MAP3K3: variants seen among roughly 807,000 people sequenced by gnomAD.
The protein encoded by MAP3K3 is mitogen-activated protein kinase kinase kinase 3.
In MAP3K3, 12 loss-of-function variants were observed where a neutral mutation model predicts 80.9. The observed-to-expected ratio is 0.15, with a 90% confidence interval of 0.10 to 0.24. The LOEUF is 0.24. MAP3K3 is among the 10% of genes least tolerant of loss of function. The pLI, the probability that MAP3K3 is intolerant of heterozygous loss-of-function variation, is 1.00. For synonymous variants in MAP3K3, 272 were observed against 307.1 expected (o/e 0.89, Z 1.19); for missense variants, 596 against 834.7 (o/e 0.71, Z 3.52).
chr17:63,686,175 T>A (rs182877950), intron 8 of MAP3K3, among the ~76,000 whole-genome samples: 19 of 152,294 alleles, frequency 1.2e-4, no homozygotes, highest in Admixed American at 9.2e-4. Context: ...CTCTGCCTCA[T>A]TATGCCCAAG....
intron 6 of MAP3K3, among the ~76,000 whole-genome samples, chr17:63,669,242 GA>G (rs2035056173): frequency 6.6e-6 from 1 of 152,174 alleles, no homozygotes; most frequent in Non-Finnish European, 1.5e-5. Context: ...TTCCACAGGG[GA>G]CAAGGGGAGA....
In MAP3K3 at chr17:63,652,481, A is replaced by G. The variant is rs530626316; in HGVS notation, c.168-76A>G. ...CCTATGTTGAGAAGAAAGGAAGAAT[A>G]TACTCAGACCATTGCTTTTTAAACC... On this transcript the variant is annotated intron_variant, in intron 3 of 15. Transcript: ENST00000361733. The G allele has an allele frequency of 3.2e-3, 2,923 of 926,542 alleles. 15 individuals are homozygous for G. Among genetic ancestry groups the G allele is most frequent in the Non-Finnish European group, 4.2e-3 (2,417 of 571,948 alleles). 57.4% of individuals were successfully genotyped at this position (926,542 alleles called of 1,614,324 possible). A position where few individuals can be genotyped will look rare whatever the true frequency, so the allele number is the denominator to read the frequency against.
At position 63,692,519 on chromosome 17, in the gene MAP3K3, T is replaced by A; in HGVS notation, c.1652+100T>A. 7.8e-7 allele frequency: 1 copy of A among 1,285,436 alleles called. No homozygotes were observed. Among genetic ancestry groups the A allele is most frequent in the Non-Finnish European group, 1.1e-6 (1 of 945,572 alleles). 79.6% of individuals were successfully genotyped at this position (1,285,436 alleles called of 1,614,324 possible). Reference sequence around the variant, plus strand: ...GACTTTGTGGTGTGGCAGGAGGGAGTGTGCCCAGGGCCCAGGCTGCAGTGT... The same window carrying A: ...GACTTTGTGGTGTGGCAGGAGGGAGAGTGCCCAGGGCCCAGGCTGCAGTGT... On this transcript the variant is annotated intron_variant, in intron 15 of 15. Transcript: ENST00000361733. This position sits in a 1 kb window ranked among gnomAD's most constrained non-coding sequence, Gnocchi z 4.5.
rs2035546491 is a variant in MAP3K3 at position 63,689,820 on chromosome 17, C to T, written c.1063+85C>T. 1 of 1,367,548 alleles carries T rather than the reference C, an allele frequency of 7.3e-7. No homozygotes were observed. Among genetic ancestry groups the T allele is most frequent in the Non-Finnish European group, 9.9e-7 (1 of 1,008,964 alleles). 84.7% of individuals were successfully genotyped at this position (1,367,548 alleles called of 1,614,324 possible). On this transcript the variant is annotated intron_variant, in intron 11 of 15. Transcript: ENST00000361733. This position sits in a 1 kb window ranked among gnomAD's most constrained non-coding sequence, Gnocchi z 4.3. ...GGCAAACAGCTGGGCCCCTGGGACC[C>T]TTAGGCTCAGCAGGTGGTGGCTTTG...
chr17:63,631,365 G>A (rs1052434444), intron 1 of MAP3K3, among the ~76,000 whole-genome samples: 2 of 152,128 alleles, frequency 1.3e-5, no homozygotes, highest in African/African-American at 2.4e-5. Context: ...CATGCTGTTC[G>A]TTTCTTTCCA....
At chr17:63,623,317 G>T (rs1880992220) in intron 1 of MAP3K3, among the ~76,000 whole-genome samples, 1 of 152,340 alleles carries the variant, frequency 6.6e-6, no homozygotes, top group East Asian at 1.9e-4. Context: ...GCTAGGAGGC[G>T]ATTAAACTGG....
rs765053642 is a variant in MAP3K3 at position 63,692,354 on chromosome 17, C to T, written c.1587C>T (p.Gly529=). The T allele has an allele frequency of 5.0e-6, 8 of 1,613,962 alleles. No individual in the cohort carries two copies. In the South Asian group the frequency reaches 7.7e-5, roughly 16 times the overall value. Reference sequence around the variant, plus strand: ...GGACGGGCATGCGCTCCGTCACTGGCACACCCTACTGGATGAGCCCTGAGG... The same window carrying T: ...GGACGGGCATGCGCTCCGTCACTGGTACACCCTACTGGATGAGCCCTGAGG... ...MSGTGMRSVT[G]TPYWMSPEVI... The change falls in exon 15 of 16, where the codon GGC becomes GGT. Residue 529 remains glycine (G), a synonymous_variant. Coordinates refer to ENST00000361733, the MANE Select transcript of MAP3K3 (RefSeq NM_002401.5). The surrounding 1 kb of genome is among the most constrained non-coding windows in gnomAD (Gnocchi z 4.5).
intron 7 of MAP3K3, chr17:63,682,460 G>C (rs992663106): frequency 6.6e-6 from 1 of 152,206 alleles, no homozygotes; most frequent in Non-Finnish European, 1.5e-5. Flanking sequence ...TTCCCTGGGT[G>C]AGGAGTCCAG....
At chr17:63,682,047 A>G (rs1353114447) in intron 7 of MAP3K3, 148 bp downstream of exon 7, 6 of 636,882 alleles carry the variant, frequency 9.4e-6, no homozygotes, top group Middle Eastern at 3.4e-4. Context: ...CCAAATATGG[A>G]TTGTCCCTTT....
At chr17:63,649,891 A>G (rs1193976259) in intron 3 of MAP3K3, among the ~76,000 whole-genome samples, 3 of 152,172 alleles carry the variant, frequency 2.0e-5, no homozygotes, top group Admixed American at 6.5e-5. Flanking sequence ...TTAAAACCCA[A>G]TGGTTTAGAT....
chr17:63,678,466 C>T (rs758121860), intron 6 of MAP3K3, among the ~76,000 whole-genome samples: 3 of 152,190 alleles, frequency 2.0e-5, no homozygotes, highest in Non-Finnish European at 4.4e-5. Flanking sequence ...GATGTTGAGA[C>T]AGGAAATCCA....
intron 1 of MAP3K3, among the ~76,000 whole-genome samples, chr17:63,631,008 C>A (rs2034204330): frequency 6.6e-6 from 1 of 152,178 alleles, no homozygotes; most frequent in East Asian, 1.9e-4. Flanking sequence ...GGTGAGGGGC[C>A]AGGCACGGTG....
intron 5 of MAP3K3, among the ~76,000 whole-genome samples, chr17:63,660,328 C>T (rs1179599651): frequency 6.6e-6 from 1 of 151,930 alleles, no homozygotes; most frequent in Admixed American, 6.6e-5. Context: ...CTCAGCCTCA[C>T]AAGTAACTGG....
At position 63,667,050 on chromosome 17, in the gene MAP3K3, C is replaced by T. The variant is rs367914417; in HGVS notation, c.492C>T (p.His164=). The T allele has an allele frequency of 2.6e-5, 42 of 1,604,888 alleles. No homozygotes were observed. The highest frequency in any genetic ancestry group is 6.7e-5 in the South Asian group (6 of 89,258). The change falls in exon 6 of 16, where the codon CAC becomes CAT. Residue 164 remains histidine, a synonymous_variant. Coordinates refer to ENST00000361733, the MANE Select transcript of MAP3K3 (RefSeq NM_002401.5). ...AGCCCCCCGAGCCCAGAAGCAGGCA[C>T]CTCTCTGTCAGTGAGTATTTCAACC... The part of the protein sequence containing the change: ...IYQPPEPRSR[H]LSVSSQNPGR...
intron 8 of MAP3K3, among the ~76,000 whole-genome samples, chr17:63,686,507 G>T (rs1200389601): frequency 6.6e-6 from 1 of 152,188 alleles, no homozygotes; most frequent in African/African-American, 2.4e-5. Flanking sequence ...GCTCTGCCAA[G>T]ACAGGGATTG....
At position 63,646,141 on chromosome 17, in the gene MAP3K3, A is replaced by G. The variant is rs2034537556; in HGVS notation, c.167+67A>G. On this transcript the variant is annotated intron_variant, in intron 3 of 15. Transcript: ENST00000361733. The stretch of plus-strand genomic sequence containing the variant: ...AAAGTTCTCAGATAGCATTGAGTTC[A>G]TGGAAGTCATTCCCCTGTCCTGATC... 5.0e-6 allele frequency: 7 copies of G among 1,399,232 alleles called. No homozygotes were observed. In the South Asian group the frequency reaches 7.0e-5, roughly 14 times the overall value. 86.7% of individuals were successfully genotyped at this position (1,399,232 alleles called of 1,614,324 possible). A position where few individuals can be genotyped will look rare whatever the true frequency, so the allele number is the denominator to read the frequency against.
At chr17:63,681,575 C>A (rs752628018) in intron 6 of MAP3K3, among the ~76,000 whole-genome samples, 191 bp from the exon 7 acceptor site, 12 of 152,174 alleles carry the variant, frequency 7.9e-5, no homozygotes, top group Non-Finnish European at 5.9e-5. Context: ...CCTGCTCCAT[C>A]TCTGGAGTTT....
rs1170050953 is a variant in MAP3K3, at chr17:63,694,607, A to T, written c.*830A>T. 1 of 152,716 alleles carries T rather than the reference A, an allele frequency of 6.5e-6. No homozygotes were observed. The highest frequency in any genetic ancestry group is 1.9e-4 in the East Asian group (1 of 5,200). 9.5% of individuals were successfully genotyped at this position (152,716 alleles called of 1,614,324 possible). A position where few individuals can be genotyped will look rare whatever the true frequency, so the allele number is the denominator to read the frequency against. ...TGGGCTTGGGCCTAGGCTGCATTGA[A>T]AAGAGCTGAAGGTTGTGGCCTTTGC... On this transcript the variant is annotated 3_prime_UTR_variant, in exon 16 of 16. Transcript: ENST00000361733.
intron 5 of MAP3K3, 128 bp from the exon 6 acceptor site, chr17:63,666,812 G>T: frequency 1.1e-6 from 1 of 947,472 alleles, no homozygotes; most frequent in Non-Finnish European, 1.6e-6. Context: ...GGGAAAGCTG[G>T]GTAGCTCATG....
Sources: gnomAD v4.1 joint callset for allele counts (sites outside exome capture counted in the v4.1 genomes callset) on GRCh38, gnomAD v4.1.1 for gene constraint, Gnocchi (gnomAD v3.1) non-coding constraint, MANE v1.5 for transcripts, NCBI Gene and HGNC (gene_info 2026-07-23, HGNC 2026-07-21) for gene names.